Variants in PLCE1 observed in about 807,000 individuals in gnomAD.
The protein encoded by PLCE1 is phospholipase C epsilon 1, also known as 1-phosphatidylinositol 4,5-bisphosphate phosphodiesterase epsilon-1.
PLCE1 carries 119 observed loss-of-function variants against 242.8 expected under a neutral mutation model. The observed-to-expected ratio is 0.49, with a 90% CI of 0.42 to 0.57. The LOEUF (loss-of-function observed/expected upper bound fraction) is 0.57, where lower values mean the gene tolerates loss of function less well. Among genes scored for constraint, PLCE1 ranks in the 20% least tolerant of loss-of-function variants. The pLI is 0.00. For missense variants in PLCE1, 2,441 were observed against 2,788.8 expected, an observed-to-expected ratio of 0.88 and a Z score of 2.81; for synonymous variants, 945 against 1,017.4, an observed-to-expected ratio of 0.93 and a Z score of 1.35.
At chr10:94,178,786 C>A (rs967052085) in intron 4 of PLCE1, among the ~76,000 whole-genome samples, 1 of 152,194 alleles carries the variant, frequency 6.6e-6, no homozygotes, top group Non-Finnish European at 1.5e-5. Context: ...GAAAGCATAG[C>A]ATATTATAAC....
intron 3 of PLCE1, among the ~76,000 whole-genome samples, chr10:94,137,099 A>G (rs373304357): frequency 1.0e-3 from 154 of 152,286 alleles, no homozygotes; most frequent in African/African-American, 3.4e-3. Flanking sequence ...AGGCTGAGGC[A>G]GGAGAATGGC....
intron 30 of PLCE1, 93 bp from the exon 31 acceptor site, chr10:94,324,256 G>C (rs1377672145): frequency 7.3e-6 from 7 of 962,572 alleles, no homozygotes; most frequent in African/African-American, 6.4e-5. Context: ...TCTCTAGTCT[G>C]GGCCATTTTT....
chr10:94,142,001 T>C (rs2046988098), intron 3 of PLCE1, among the ~76,000 whole-genome samples: 1 of 152,128 alleles, frequency 6.6e-6, no homozygotes, highest in African/African-American at 2.4e-5. Context: ...AAAACAATAG[T>C]TCTTAAAAAT....
intron 3 of PLCE1, among the ~76,000 whole-genome samples, chr10:94,167,037 C>T (rs2047827554): frequency 6.6e-6 from 1 of 152,170 alleles, no homozygotes; most frequent in Admixed American, 6.5e-5. Context: ...CACCTGTAAT[C>T]CTAGCACTTT....
At chr10:94,093,037 CTG>C (rs2045139901) in intron 2 of PLCE1, among the ~76,000 whole-genome samples, 1 of 152,196 alleles carries the variant, frequency 6.6e-6, no homozygotes, top group Admixed American at 6.5e-5. Flanking sequence ...AGTTGACAAA[CTG>C]GATATGGATA....
intron 2 of PLCE1, among the ~76,000 whole-genome samples, chr10:94,091,628 G>C (rs552205884): frequency 1.7e-4 from 26 of 152,290 alleles, no homozygotes; most frequent in Non-Finnish European, 3.5e-4. Flanking sequence ...AAATGCTCTT[G>C]AGATAGTTGG....
intron 24 of PLCE1, among the ~76,000 whole-genome samples, chr10:94,302,363 T>G (rs1391159528): frequency 2.0e-5 from 3 of 152,214 alleles, no homozygotes; most frequent in Non-Finnish European, 4.4e-5. Context: ...ATCCTGCATA[T>G]GTACCCCGGA....
intron 3 of PLCE1, among the ~76,000 whole-genome samples, chr10:94,135,914 A>G (rs1208921692): frequency 6.6e-6 from 1 of 152,206 alleles, no homozygotes; most frequent in East Asian, 1.9e-4. Flanking sequence ...TTGTACCTAT[A>G]TGAAGGAGTC....
intron 3 of PLCE1, among the ~76,000 whole-genome samples, chr10:94,149,004 G>A (rs897690023): frequency 1.3e-5 from 2 of 152,118 alleles, no homozygotes; most frequent in Non-Finnish European, 2.9e-5. Flanking sequence ...AATCCCCTTG[G>A]CCCTGTTCAT....
chr10:94,289,599 C>A (rs985338381), intron 22 of PLCE1, among the ~76,000 whole-genome samples: 4 of 152,178 alleles, frequency 2.6e-5, no homozygotes, highest in African/African-American at 4.8e-5. Flanking sequence ...TGTTACTGCA[C>A]TGAATACGGT....
intron 2 of PLCE1, among the ~76,000 whole-genome samples, chr10:94,034,117 C>T (rs765722352): frequency 1.5e-4 from 23 of 152,034 alleles, no homozygotes; most frequent in Non-Finnish European, 2.9e-4. Context: ...AGGGGAACAC[C>T]CATGTATAAA....
At chr10:94,207,574 CTCTG>C (rs983498794) in intron 4 of PLCE1, among the ~76,000 whole-genome samples, 4 of 149,412 alleles carry the variant, frequency 2.7e-5, no homozygotes, top group African/African-American at 7.5e-5. Flanking sequence ...TTTTTTCAAG[CTCTG>C]TCTGTCTAGG....
At chr10:94,181,228 G>A (rs947398639) in intron 4 of PLCE1, among the ~76,000 whole-genome samples, 6 of 152,282 alleles carry the variant, frequency 3.9e-5, no homozygotes, top group Middle Eastern at 3.4e-3. Flanking sequence ...CCACCCCCAA[G>A]AGATTCTGCC....
At chr10:94,055,180 G>A (rs1456000336) in intron 2 of PLCE1, among the ~76,000 whole-genome samples, 1 of 151,572 alleles carries the variant, frequency 6.6e-6, no homozygotes, top group Non-Finnish European at 1.5e-5. Flanking sequence ...GATAATAATT[G>A]GTCCTATGTG....
intron 24 of PLCE1, 140 bp from the exon 25 acceptor site, chr10:94,304,342 C>T (rs1362904157): frequency 1.8e-5 from 14 of 791,894 alleles, no homozygotes; most frequent in Non-Finnish European, 2.7e-5. Flanking sequence ...ATCTGTGGGA[C>T]GAATGGGTGA....
intron 2 of PLCE1, among the ~76,000 whole-genome samples, chr10:94,118,198 T>C (rs1398954812): frequency 4.6e-5 from 7 of 152,216 alleles, no homozygotes; most frequent in African/African-American, 1.7e-4. Context: ...TCATTAACTT[T>C]AGCATTTTTT....
At chr10:94,056,081 T>C (rs995110700) in intron 2 of PLCE1, among the ~76,000 whole-genome samples, 2 of 152,238 alleles carry the variant, frequency 1.3e-5, no homozygotes, top group African/African-American at 4.8e-5. Flanking sequence ...TGGATATCTG[T>C]AGAGCAAGAT....
In PLCE1 at chr10:94,330,999, A is replaced by G. The variant is rs1213390247; in HGVS notation, c.*3056A>G. ...AGAAGCATCACTGAAAGTGAAGAGA[A>G]AGGAGCATGAATTCTGTCACTCTAT... is the stretch of plus-strand genomic sequence containing the variant. On this transcript the variant is annotated 3_prime_UTR_variant, in exon 33 of 33. Coordinates refer to ENST00000371380, the MANE Select transcript of PLCE1 (RefSeq NM_016341.4). The G allele has an allele frequency of 1.3e-5, 2 of 152,204 alleles. No homozygotes were observed. Among genetic ancestry groups the G allele is most frequent in the African/African-American group, 2.4e-5 (1 of 41,472 alleles). 9.4% of individuals were successfully genotyped at this position (152,204 alleles called of 1,614,324 possible). A position where few individuals can be genotyped will look rare whatever the true frequency, so the allele number is the denominator to read the frequency against.
intron 26 of PLCE1, among the ~76,000 whole-genome samples, chr10:94,307,894 A>G (rs1267205097): frequency 6.6e-6 from 1 of 152,252 alleles, no homozygotes; most frequent in Non-Finnish European, 1.5e-5. Context: ...GAGAAAGTAC[A>G]TAGAAACAAA....
Sources: allele counts gnomAD v4.1 joint callset (sites outside exome capture counted in the v4.1 genomes callset), GRCh38; gene constraint gnomAD v4.1.1; transcripts MANE v1.5; gene names NCBI Gene and HGNC (gene_info 2026-07-23, HGNC 2026-07-21).